The following ANKRD36B variants were observed in gnomAD, a reference collection of about 807,000 sequenced individuals.
ANKRD36B encodes the protein ankyrin repeat domain 36B.
A neutral mutation model predicts 135.7 loss-of-function variants in ANKRD36B; 37 were observed. The ratio of observed to expected loss-of-function variants is 0.27; its 90% CI spans 0.21 to 0.36. The LOEUF is 0.36. ANKRD36B is among the 10% of genes least tolerant of loss of function. The pLI, the probability that ANKRD36B is intolerant of heterozygous loss-of-function variation, is 1.00. For missense variants in ANKRD36B, 549 were observed against 1,037.1 expected (o/e 0.53, Z 6.46); for synonymous variants, 179 against 348.1 (o/e 0.51, Z 5.41).
intron 43 of ANKRD36B, among the ~76,000 whole-genome samples, chr2:97,496,260 T>G (rs1361861424): frequency 9.4e-6 from 1 of 106,736 alleles, no homozygotes; most frequent in African/African-American, 2.6e-5. Flanking sequence ...TTCTATGAAG[T>G]CTGACACAGG....
At chr2:97,559,643 G>T (rs145812746) in intron 8 of ANKRD36B, among the ~76,000 whole-genome samples, 1 of 151,726 alleles carries the variant, frequency 6.6e-6, no homozygotes, top group Non-Finnish European at 1.5e-5. Flanking sequence ...TCCACTCATG[G>T]CAACAAACGA....
intron 3 of ANKRD36B, among the ~76,000 whole-genome samples, chr2:97,582,111 T>C (rs2082673103): frequency 6.6e-6 from 1 of 151,800 alleles, no homozygotes; most frequent in African/African-American, 2.4e-5. Context: ...CTCGGCCAAT[T>C]ACTTGCATTT....
chr2:97,549,472 T>G lies in ANKRD36B; in HGVS notation c.1424A>C (p.Asp475Ala). The G allele has an allele frequency of 6.3e-7, 1 of 1,592,158 alleles. No individual in the cohort carries two copies. Among genetic ancestry groups the G allele is most frequent in the Non-Finnish European group, 8.6e-7 (1 of 1,168,928 alleles). The change falls in exon 20 of 44, where the codon GAT becomes GCT. Residue 475 changes from aspartate (D) to alanine (A), a missense_variant. Asp to Ala is a moderately radical substitution (Grantham distance 126). Coordinates refer to ENST00000359901, the MANE Select transcript of ANKRD36B (RefSeq NM_001393939.1). ...TTCTCTGGCTATATTCAAAACAGAATCTTCCTTGACACTTGTAGCCTGAAT... is the reference window on the plus strand; with the variant it reads ...TTCTCTGGCTATATTCAAAACAGAAGCTTCCTTGACACTTGTAGCCTGAAT... ...PALKATSVKEDSVLNIAREKK... is the reference protein window; with the variant it reads ...PALKATSVKEASVLNIAREKK...
intron 6 of ANKRD36B, among the ~76,000 whole-genome samples, chr2:97,564,593 T>G (rs6542895): frequency 6.6e-6 from 1 of 151,828 alleles, no homozygotes; most frequent in Non-Finnish European, 1.5e-5. Context: ...GTTTCCTGCA[T>G]AAGGCTAGCC....
chr2:97,547,693 G>C lies in ANKRD36B; in HGVS notation c.1506+10C>G, dbSNP rs748050674. On this transcript the variant is annotated intron_variant, in intron 21 of 43. Transcript: ENST00000359901. ...TTACTAGTTCACAATATAAATGACAGTTTCATTACCTTCAAGCCTGGTGGT... is the reference window on the plus strand; with the variant it reads ...TTACTAGTTCACAATATAAATGACACTTTCATTACCTTCAAGCCTGGTGGT... 24 of 1,559,522 alleles carry C rather than the reference G, an allele frequency of 1.5e-5. No homozygotes were observed. Among genetic ancestry groups the C allele is most frequent in the East Asian group, 7.1e-5 (3 of 42,178 alleles).
chr2:97,554,851 A>T (rs1412970498), intron 14 of ANKRD36B, among the ~76,000 whole-genome samples: 2 of 151,866 alleles, frequency 1.3e-5, no homozygotes, highest in Non-Finnish European at 2.9e-5. Context: ...CCCAATTTCA[A>T]TGTGGGGAAG....
intron 43 of ANKRD36B, among the ~76,000 whole-genome samples, chr2:97,496,201 C>T (rs1217225215): frequency 2.8e-5 from 3 of 107,406 alleles, no homozygotes; most frequent in East Asian, 2.1e-4. Context: ...CACAACATTT[C>T]GCTAAGCCAA....
At chr2:97,567,986 A>G (rs1399835359) in intron 6 of ANKRD36B, among the ~76,000 whole-genome samples, 2 of 152,170 alleles carry the variant, frequency 1.3e-5, no homozygotes, top group African/African-American at 4.8e-5. Context: ...ATCATCTCAC[A>G]TCAGTGCAGA....
chr2:97,570,380 A>C lies in ANKRD36B; in HGVS notation c.763+5999T>G, dbSNP rs536643997. On this transcript the variant is annotated intron_variant, in intron 6 of 43. Transcript: ENST00000359901. ...GAAAGGCCTACATGCAAAACTGGCC[A>C]TTTGCTGGTGTTTGGAAATTTGCAT... 1.3e-3 allele frequency among the ~76,000 whole-genome samples: 200 copies of C among 152,302 alleles called. 3 individuals are homozygous for C. The highest frequency in any genetic ancestry group is 4.5e-3 in the African/African-American group (187 of 41,554).
chr2:97,560,020 T>C (rs1189481646), intron 8 of ANKRD36B, among the ~76,000 whole-genome samples: 2 of 151,894 alleles, frequency 1.3e-5, no homozygotes, highest in African/African-American at 4.8e-5. Context: ...TGAGTCACTG[T>C]GGTTTATCCC....
intron 4 of ANKRD36B, among the ~76,000 whole-genome samples, chr2:97,580,032 T>C (rs2922609): frequency 2.6e-5 from 4 of 152,244 alleles, no homozygotes; most frequent in Admixed American, 6.5e-5. Flanking sequence ...GCTATCTTTT[T>C]TCCCCCTCCC....
Position 97,555,244 on chromosome 2 carries a change from C to A in ANKRD36B, c.1080G>T (p.Gln360His). The A allele has an allele frequency of 6.2e-7, 1 of 1,611,142 alleles. No homozygotes were observed. The highest frequency in any genetic ancestry group is 8.5e-7 in the Non-Finnish European group (1 of 1,178,246). ...GGGKSGTVSSQKQPASKTASD... is the reference protein window; with the variant it reads ...GGGKSGTVSSHKQPASKTASD... ...TAATTACCTTTGAGGCTGGTTGTTT[C>A]TGAGAAGACACTGAAAAGCAAAAGG... Residue 360 changes from glutamine (Q) to histidine (H), a missense_variant, in exon 13 of 44, where the codon CAG becomes CAT. Physicochemically the swap from Gln to His is conservative, Grantham distance 24. Coordinates refer to ENST00000359901, the MANE Select transcript of ANKRD36B (RefSeq NM_001393939.1).
In ANKRD36B at chr2:97,547,714, G is replaced by A. The variant is rs1303089681; in HGVS notation, c.1495C>T (p.Pro499Ser). ...KSRTVSFEQPPGLKATRDEKD... is the reference protein window; with the variant it reads ...KSRTVSFEQPSGLKATRDEKD... ...GACAGTTTCATTACCTTCAAGCCTG[G>A]TGGTTGCTCAAAAGACACTGAAAAG... Residue 499 changes from proline (P) to serine (S), a missense_variant, in exon 21 of 44, where the codon CCA becomes TCA. By Grantham distance (74) the Pro-to-Ser change is moderately conservative (BLOSUM62 -1). Transcript: ENST00000359901. The A allele has an allele frequency of 7.0e-6, 11 of 1,561,948 alleles. No homozygotes were observed. Among genetic ancestry groups the A allele is most frequent in the South Asian group, 1.2e-5 (1 of 85,912 alleles).
At chr2:97,578,857 T>C (rs767216250) in intron 5 of ANKRD36B, 49 bp downstream of exon 5, 11 of 1,589,084 alleles carry the variant, frequency 6.9e-6, no homozygotes, top group Non-Finnish European at 1.7e-6. Flanking sequence ...GTTACAATTA[T>C]TTTAAACTTC....
At chr2:97,563,404 ATTT>A (rs1285357712) in intron 6 of ANKRD36B, among the ~76,000 whole-genome samples, 1 of 150,012 alleles carries the variant, frequency 6.7e-6, no homozygotes, top group Non-Finnish European at 1.5e-5. Flanking sequence ...AAATTCCTCT[ATTT>A]ACAGTTTTCA....
At chr2:97,551,552 T>A in intron 16 of ANKRD36B, 72 bp from the exon 17 acceptor site, 1 of 1,598,412 alleles carries the variant, frequency 6.3e-7, no homozygotes, top group Non-Finnish European at 8.5e-7. Flanking sequence ...TCATGCAGTG[T>A]TTGTATCAAC....
intron 18 of ANKRD36B, among the ~76,000 whole-genome samples, chr2:97,550,592 AATCAAC>A: frequency 6.6e-6 from 1 of 151,948 alleles, no homozygotes; most frequent in African/African-American, 2.4e-5. Flanking sequence ...CTATAACTAA[AATCAAC>A]AAAACATGTA....
chr2:97,587,140 T>C (rs2083059818), intron 1 of ANKRD36B, among the ~76,000 whole-genome samples: 2 of 152,300 alleles, frequency 1.3e-5, no homozygotes, highest in South Asian at 2.1e-4. Flanking sequence ...GCCACTGCAC[T>C]GCAGGCTGGG....
At chr2:97,527,564 T>C (rs2078286139) in intron 35 of ANKRD36B, among the ~76,000 whole-genome samples, 1 of 93,744 alleles carries the variant, frequency 1.1e-5, no homozygotes, top group African/African-American at 3.2e-5. Context: ...ATATTAACTT[T>C]AAATGTAAAT....
Sources: gnomAD v4.1 joint callset for allele counts (sites outside exome capture counted in the v4.1 genomes callset) on GRCh38, gnomAD v4.1.1 for gene constraint, MANE v1.5 for transcripts, NCBI Gene and HGNC (gene_info 2026-07-23, HGNC 2026-07-21) for gene names.